NRCAM: variants seen among roughly 807,000 people sequenced by gnomAD.
NRCAM encodes the protein NgCAM-related cell adhesion molecule.
A neutral mutation model predicts 156.5 loss-of-function variants in NRCAM; 83 were observed. The observed-to-expected ratio is 0.53, with a 90% CI of 0.44 to 0.64. The LOEUF (loss-of-function observed/expected upper bound fraction) is 0.64, where lower values mean the gene tolerates loss of function less well. Ranked by LOEUF, NRCAM falls within the 30% of genes least tolerant of loss-of-function variation. The probability of loss-of-function intolerance (pLI) is 0.00; values close to 1 mark genes in which losing one functional copy is unlikely to be tolerated. For missense variants in NRCAM, 1,417 were observed against 1,597.3 expected (o/e 0.89, Z 1.92); for synonymous variants, 538 against 563.9 (o/e 0.95, Z 0.65).
At chr7:108,195,714 T>TTA (rs1438431411) in intron 15 of NRCAM, 47 bp downstream of exon 15, 1 of 1,059,430 alleles carries the variant, frequency 9.4e-7, no homozygotes, top group South Asian at 1.3e-5. Context: ...TATGAAGCCT[T>TTA]TAGCAAACAT....
chr7:108,254,689 A>T (rs1313707497), intron 3 of NRCAM, among the ~76,000 whole-genome samples: 1 of 151,778 alleles, frequency 6.6e-6, no homozygotes, highest in Non-Finnish European at 1.5e-5. Context: ...GTGGGACCAC[A>T]GGCATATGTT....
intron 11 of NRCAM, among the ~76,000 whole-genome samples, chr7:108,211,213 G>A (rs1361018211): frequency 6.6e-6 from 1 of 152,128 alleles, no homozygotes; most frequent in Admixed American, 6.5e-5. Context: ...AGGGGTAGAG[G>A]AAGCAGCAGG....
chr7:108,230,280 A>G (rs1461583620), intron 8 of NRCAM, among the ~76,000 whole-genome samples: 2 of 150,214 alleles, frequency 1.3e-5, no homozygotes, highest in African/African-American at 4.9e-5. Flanking sequence ...ATATATCCAG[A>G]ATCTTACCAT....
At chr7:108,369,799 C>T (rs2099617069) in intron 2 of NRCAM, among the ~76,000 whole-genome samples, 1 of 152,072 alleles carries the variant, frequency 6.6e-6, no homozygotes. Context: ...AACATATAGA[C>T]TCATACTACA....
At chr7:108,418,793 G>A (rs1554627135) in intron 1 of NRCAM, among the ~76,000 whole-genome samples, 1 of 151,958 alleles carries the variant, frequency 6.6e-6, no homozygotes, top group South Asian at 2.1e-4. Flanking sequence ...TTTTTTTCTG[G>A]CTTATTTTAT....
intron 2 of NRCAM, among the ~76,000 whole-genome samples, chr7:108,341,781 T>C (rs2154270790): frequency 6.6e-6 from 1 of 152,276 alleles, no homozygotes. Flanking sequence ...CAAGGCTTAG[T>C]AAAACCATTC....
chr7:108,165,502 C>T (rs2053461891), intron 30 of NRCAM, among the ~76,000 whole-genome samples: 1 of 152,196 alleles, frequency 6.6e-6, no homozygotes, highest in South Asian at 2.1e-4. Context: ...ATCTACTTGA[C>T]TTTTAGTATT....
At chr7:108,433,833 C>T (rs1563790515) in intron 1 of NRCAM, among the ~76,000 whole-genome samples, 2 of 152,132 alleles carry the variant, frequency 1.3e-5, no homozygotes, top group Non-Finnish European at 2.9e-5. Context: ...TATAAATTAC[C>T]CAGCCTCAAG....
At chr7:108,450,889 T>C (rs987410491) in intron 1 of NRCAM, among the ~76,000 whole-genome samples, 10 of 152,200 alleles carry the variant, frequency 6.6e-5, no homozygotes, top group African/African-American at 1.9e-4. Flanking sequence ...TGTGAATGAC[T>C]TGTTCAGAAT....
chr7:108,150,825 T>G (rs2041070682), intron 32 of NRCAM: 1 of 441,600 alleles, frequency 2.3e-6, no homozygotes, highest in Non-Finnish European at 4.5e-6. Flanking sequence ...AAAATTTTAG[T>G]TAATGAGTAA....
chr7:108,179,016 G>A (rs2062107265), intron 25 of NRCAM, among the ~76,000 whole-genome samples: 1 of 152,074 alleles, frequency 6.6e-6, no homozygotes, highest in South Asian at 2.1e-4. Flanking sequence ...GCCCCTAGAT[G>A]TCTTTGTCTG....
chr7:108,360,793 G>A (rs1045058125), intron 2 of NRCAM, among the ~76,000 whole-genome samples: 1 of 152,136 alleles, frequency 6.6e-6, no homozygotes, highest in African/African-American at 2.4e-5. Context: ...AACCTGCATT[G>A]CAAAAGAATG....
intron 2 of NRCAM, among the ~76,000 whole-genome samples, chr7:108,395,669 A>G (rs1252078132): frequency 5.3e-5 from 8 of 152,332 alleles, no homozygotes; most frequent in African/African-American, 1.4e-4. Flanking sequence ...ACCACAGGGT[A>G]CAAGGAAGGC....
At chr7:108,434,988 T>A (rs1279385592) in intron 1 of NRCAM, among the ~76,000 whole-genome samples, 1 of 150,616 alleles carries the variant, frequency 6.6e-6, no homozygotes, top group Non-Finnish European at 1.5e-5. Flanking sequence ...ACAACAAAAA[T>A]TACGAGACAA....
intron 2 of NRCAM, among the ~76,000 whole-genome samples, chr7:108,375,347 G>A (rs1490724218): frequency 2.6e-5 from 4 of 151,900 alleles, no homozygotes; most frequent in African/African-American, 9.7e-5. Flanking sequence ...GATTTTTAAA[G>A]CCCTTCAAGG....
At chr7:108,360,515 C>T (rs768441317) in intron 2 of NRCAM, among the ~76,000 whole-genome samples, 1 of 152,076 alleles carries the variant, frequency 6.6e-6, no homozygotes, top group Non-Finnish European at 1.5e-5. Context: ...TCACGTGAAA[C>T]AAAAGAGACC....
chr7:108,261,190 G>A (rs771535576), intron 3 of NRCAM, among the ~76,000 whole-genome samples: 6 of 152,104 alleles, frequency 3.9e-5, no homozygotes, highest in Non-Finnish European at 7.4e-5. Flanking sequence ...AACCCCTTCC[G>A]AAGTTTCTTC....
chr7:108,300,160 CTTTTTTTTTTTT>C (rs10665036), intron 3 of NRCAM, among the ~76,000 whole-genome samples: 192 of 65,872 alleles, frequency 2.9e-3, no homozygotes, highest in Middle Eastern at 0.029. Context: ...TTTCTGTTGA[CTTTTTTTTTTTT>C]TTTTTTTTTT....
intron 15 of NRCAM, among the ~76,000 whole-genome samples, chr7:108,194,917 G>A (rs1450592907): frequency 6.6e-6 from 1 of 152,180 alleles, no homozygotes; most frequent in Non-Finnish European, 1.5e-5. Context: ...GGAGGAGGTA[G>A]AGGACTTAAA....
Sources: gnomAD v4.1 joint callset for allele counts (sites outside exome capture counted in the v4.1 genomes callset) on GRCh38, gnomAD v4.1.1 for gene constraint, MANE v1.5 for transcripts, NCBI Gene and HGNC (gene_info 2026-07-23, HGNC 2026-07-21) for gene names.